The following ARHGAP29 variants were observed in gnomAD, a reference collection of about 807,000 sequenced individuals.
ARHGAP29 encodes the protein rho GTPase-activating protein 29.
In ARHGAP29, 43 loss-of-function variants were observed where a neutral mutation model predicts 122.6. That is an observed-to-expected ratio of 0.35 (90% CI 0.27 to 0.45). ARHGAP29 has a LOEUF of 0.45. Ranked by LOEUF, ARHGAP29 falls within the 20% of genes least tolerant of loss-of-function variation. The pLI, the probability that ARHGAP29 is intolerant of heterozygous loss-of-function variation, is 1.00. For synonymous variants in ARHGAP29, 506 were observed against 497.1 expected, an observed-to-expected ratio of 1.02 and a Z score of -0.24; for missense variants, 1,303 against 1,477.2, an observed-to-expected ratio of 0.88 and a Z score of 1.93.
At chr1:94,183,008 A>G (rs1311299833) in intron 19 of ARHGAP29, among the ~76,000 whole-genome samples, 1 of 152,160 alleles carries the variant, frequency 6.6e-6, no homozygotes, top group African/African-American at 2.4e-5. Flanking sequence ...CTGTAAGATG[A>G]CTGTAGTTAA....
chr1:94,188,914 A>T lies in ARHGAP29; in HGVS notation c.1604T>A (p.Phe535Tyr). 1 of 1,613,104 alleles carries T rather than the reference A, an allele frequency of 6.2e-7. No individual in the cohort carries two copies. The highest frequency in any genetic ancestry group is 1.1e-5 in the South Asian group (1 of 91,004). Reference sequence around the variant, plus strand: ...GCTCTCAGAATCACTAAACATCCCAAATGTCCATGATCTTATAAAGGAAGG... The same window carrying T: ...GCTCTCAGAATCACTAAACATCCCATATGTCCATGATCTTATAAAGGAAGG... ...TGPSFIRSWT[F>Y]GMFSDSESTG... Residue 535 changes from phenylalanine (F) to tyrosine (Y), a missense_variant, in exon 15 of 23, where the codon TTT becomes TAT. By Grantham distance (22) the Phe-to-Tyr change is conservative. This residue lies in a region of ARHGAP29 where 592 missense variants were observed against 648.2 expected (regional missense o/e 0.91). Coordinates refer to ENST00000260526, the MANE Select transcript of ARHGAP29 (RefSeq NM_004815.4).
Position 94,173,668 on chromosome 1 carries a change from C to T in ARHGAP29, c.*201G>A. On this transcript the variant is annotated 3_prime_UTR_variant, in exon 23 of 23. Transcript: ENST00000260526. ...AAAATACAGAATTTAAAGATAATTC[C>T]AGTGAGGCACAAATGTGACCCTATC... 2 of 541,922 alleles carry T rather than the reference C, an allele frequency of 3.7e-6. No individual in the cohort carries two copies. Among genetic ancestry groups the T allele is most frequent in the South Asian group, 7.1e-5 (2 of 28,058 alleles). The allele number at this position is 541,922 out of a possible 1,614,324, so 33.6% of individuals were successfully genotyped here.
chr1:94,202,883 C>A, intron 10 of ARHGAP29, 35 bp downstream of exon 10: 3 of 1,571,888 alleles, frequency 1.9e-6, no homozygotes, highest in East Asian at 2.2e-5. Flanking sequence ...TAAATGTTCA[C>A]AAATAGGTAC....
the ARHGAP29 span, among the ~76,000 whole-genome samples, chr1:94,300,640 A>G: frequency 1.9e-4 from 29 of 152,204 alleles, no homozygotes; most frequent in African/African-American, 7.0e-4. Context: ...TGTGGGTGAT[A>G]ATCCATCCTA....
intron 1 of ARHGAP29, among the ~76,000 whole-genome samples, chr1:94,254,747 G>A (rs1219629097): frequency 6.6e-6 from 1 of 152,194 alleles, no homozygotes; most frequent in East Asian, 1.9e-4. Context: ...AGCATAGGAT[G>A]TGGGTCAAGG....
At chr1:94,309,386 A>C in the ARHGAP29 span, among the ~76,000 whole-genome samples, 1 of 152,170 alleles carries the variant, frequency 6.6e-6, no homozygotes, top group Non-Finnish European at 1.5e-5. Context: ...GCTGCCTCCT[A>C]TCAAAATATT....
At chr1:94,276,780 C>CA (rs34090768), upstream of ARHGAP29, among the ~76,000 whole-genome samples, 505 of 40,638 alleles carry the variant, frequency 0.012, 47 homozygotes, top group Middle Eastern at 0.025. Flanking sequence ...GACCCTGTCT[C>CA]AAAAAAAAAA....
intron 1 of ARHGAP29, among the ~76,000 whole-genome samples, chr1:94,262,993 C>T (rs929702087): frequency 6.6e-6 from 1 of 152,150 alleles, no homozygotes; most frequent in African/African-American, 2.4e-5. Flanking sequence ...TGGAATCAAC[C>T]TAAATGCCCA....
the ARHGAP29 span, among the ~76,000 whole-genome samples, chr1:94,298,265 C>T: frequency 8.5e-5 from 13 of 152,084 alleles, no homozygotes; most frequent in Non-Finnish European, 1.5e-4. Flanking sequence ...AAGTAACGTG[C>T]ATTTAATTTT....
intron 1 of ARHGAP29, among the ~76,000 whole-genome samples, chr1:94,232,860 T>A (rs1279636045): frequency 6.6e-6 from 1 of 152,058 alleles, no homozygotes; most frequent in Non-Finnish European, 1.5e-5. Context: ...TATTTTGTCT[T>A]GAATATTTGG....
intron 12 of ARHGAP29, among the ~76,000 whole-genome samples, chr1:94,197,638 T>C (rs1273915028): frequency 2.0e-5 from 3 of 151,964 alleles, no homozygotes; most frequent in East Asian, 1.9e-4. Context: ...TCCAGCAATA[T>C]AAAAAAGAAA....
intron 1 of ARHGAP29, among the ~76,000 whole-genome samples, chr1:94,257,984 C>A (rs545440170): frequency 6.6e-6 from 1 of 152,112 alleles, no homozygotes; most frequent in South Asian, 2.1e-4. Flanking sequence ...TGATAGAAGC[C>A]CCGATCAGGG....
the ARHGAP29 span, among the ~76,000 whole-genome samples, chr1:94,312,075 C>T: frequency 6.6e-6 from 1 of 152,196 alleles, no homozygotes; most frequent in Non-Finnish European, 1.5e-5. Context: ...ATATCCTCTT[C>T]CAGTTGCTGC....
intron 18 of ARHGAP29, 80 bp from the exon 19 acceptor site, chr1:94,184,368 T>C: frequency 1.0e-6 from 1 of 979,946 alleles, no homozygotes; most frequent in African/African-American, 1.7e-5. Context: ...ATATACTTGA[T>C]TTTCAATCTT....
At chr1:94,247,727 C>A in intron 1 of ARHGAP29, 1 of 758,054 alleles carries the variant, frequency 1.3e-6, no homozygotes, top group Non-Finnish European at 1.6e-6. Context: ...ACCACCACAG[C>A]GGCCGCCGCC....
intron 2 of ARHGAP29, among the ~76,000 whole-genome samples, chr1:94,227,333 A>T (rs1652669417): frequency 6.6e-6 from 1 of 151,736 alleles, no homozygotes; most frequent in South Asian, 2.1e-4. Flanking sequence ...TAAAAATAAG[A>T]GAACTTGACT....
rs139248250 is a variant in ARHGAP29, at chr1:94,182,975, G to A, written c.2247+1176C>T. Among the ~76,000 whole-genome samples the A allele has an allele frequency of 1.1e-3, 172 of 152,222 alleles. No homozygotes were observed. In the Middle Eastern group the frequency reaches 0.017, roughly 15 times the overall value. On this transcript the variant is annotated intron_variant, in intron 19 of 22. Coordinates refer to ENST00000260526, the MANE Select transcript of ARHGAP29 (RefSeq NM_004815.4). ...CAAAATTATAGCTAGATAAGGAGGA[G>A]TAAGTTCTGGTGTTTTATACCACTG... is the stretch of plus-strand genomic sequence containing the variant.
the ARHGAP29 span, among the ~76,000 whole-genome samples, chr1:94,300,738 A>G: frequency 6.6e-6 from 1 of 152,208 alleles, no homozygotes; most frequent in African/African-American, 2.4e-5. Context: ...CACCTGGCAT[A>G]ATACCTGGCA....
chr1:94,226,674 G>A (rs949225734), intron 2 of ARHGAP29, among the ~76,000 whole-genome samples: 2 of 151,652 alleles, frequency 1.3e-5, no homozygotes, highest in Non-Finnish European at 3.0e-5. Flanking sequence ...GGCAAACGCA[G>A]AAGAGGAATC....
Sources: gnomAD v4.1 joint callset for allele counts (sites outside exome capture counted in the v4.1 genomes callset) on GRCh38, gnomAD v4.1.1 for gene constraint, gnomAD v4.1.1 regional missense constraint, MANE v1.5 for transcripts, NCBI Gene and HGNC (gene_info 2026-07-23, HGNC 2026-07-21) for gene names.